The following TMEM232 variants were observed in gnomAD, a reference collection of about 807,000 sequenced individuals.
The protein encoded by TMEM232 is transmembrane protein 232.
TMEM232 carries 80 observed loss-of-function variants against 78.8 expected under a neutral mutation model. The ratio of observed to expected loss-of-function variants is 1.01; its 90% CI spans 0.85 to 1.22. TMEM232 has a LOEUF of 1.22. TMEM232 is among the 50% of genes most tolerant of loss of function. TMEM232 has a pLI of 0.00. For missense variants in TMEM232, 881 were observed against 742.2 expected, an observed-to-expected ratio of 1.19 and a Z score of -2.17; for synonymous variants, 297 against 254.3, an observed-to-expected ratio of 1.17 and a Z score of -1.60.
intron 4 of TMEM232, among the ~76,000 whole-genome samples, chr5:110,639,459 A>G (rs1165650237): frequency 6.6e-6 from 1 of 152,206 alleles, no homozygotes; most frequent in African/African-American, 2.4e-5. Context: ...GGGACAGCTA[A>G]GATAGCTGCC....
In TMEM232 at chr5:110,638,838, G is replaced by A. The variant is rs116495852; in HGVS notation, c.344-483C>T. Among the ~76,000 whole-genome samples, 1,509 of 152,222 alleles carry A rather than the reference G, an allele frequency of 9.9e-3. 23 individuals carry two copies. The highest frequency in any genetic ancestry group is 0.035 in the African/African-American group (1,445 of 41,532). ...AATAAATCACCAGGCCACACACATC[G>A]TGGTGGAGAAATAGGACAGAACCAG... On this transcript the variant is annotated intron_variant, in intron 4 of 13. Transcript: ENST00000455884.
At chr5:110,426,962 T>C (rs892019612) in intron 12 of TMEM232, among the ~76,000 whole-genome samples, 13 of 152,008 alleles carry the variant, frequency 8.6e-5, no homozygotes, top group African/African-American at 3.1e-4. Context: ...TTTTAAAAAA[T>C]GTAGGCAACA....
intron 12 of TMEM232, among the ~76,000 whole-genome samples, chr5:110,459,872 C>T (rs1387224326): frequency 6.6e-6 from 1 of 152,094 alleles, no homozygotes; most frequent in African/African-American, 2.4e-5. Context: ...TTCTTGCTGA[C>T]GTTACATAAC....
intron 12 of TMEM232, among the ~76,000 whole-genome samples, chr5:110,432,205 A>G (rs919171924): frequency 1.3e-5 from 2 of 151,652 alleles, no homozygotes; most frequent in Non-Finnish European, 3.0e-5. Context: ...AGTCAATAAG[A>G]AAGAAAAATT....
At chr5:110,694,275 G>A (rs1794496991) in intron 1 of TMEM232, among the ~76,000 whole-genome samples, 1 of 152,108 alleles carries the variant, frequency 6.6e-6, no homozygotes, top group South Asian at 2.1e-4. Flanking sequence ...GTCACCACCA[G>A]GCCTGCCCTA....
At chr5:110,674,345 G>T (rs1480593753) in intron 1 of TMEM232, among the ~76,000 whole-genome samples, 13 of 152,148 alleles carry the variant, frequency 8.5e-5, no homozygotes, top group Non-Finnish European at 2.9e-5. Context: ...ATAAAATTAT[G>T]AAGGTAAAAA....
At chr5:110,591,021 C>T (rs1326367448) in intron 10 of TMEM232, among the ~76,000 whole-genome samples, 1 of 152,112 alleles carries the variant, frequency 6.6e-6, no homozygotes, top group African/African-American at 2.4e-5. Context: ...GTGGGGATTA[C>T]AATCGGAGGA....
At chr5:110,388,280 C>T (rs1156501451) in intron 4 of TMEM232, among the ~76,000 whole-genome samples, 3 of 151,992 alleles carry the variant, frequency 2.0e-5, no homozygotes, top group Admixed American at 1.3e-4. Flanking sequence ...GGGCTTTCCA[C>T]TTGGCCAGCA....
chr5:110,737,022 T>C (rs1799248686), intron 1 of TMEM232, among the ~76,000 whole-genome samples: 2 of 151,440 alleles, frequency 1.3e-5, no homozygotes, highest in Non-Finnish European at 2.9e-5. Context: ...AAAAAAAAGC[T>C]TCCTTTATTG....
At chr5:110,490,975 A>G (rs951564577) in intron 12 of TMEM232, among the ~76,000 whole-genome samples, 4 of 152,136 alleles carry the variant, frequency 2.6e-5, no homozygotes, top group African/African-American at 9.6e-5. Context: ...AAAATAAATA[A>G]ATTTCACTTC....
At chr5:110,526,025 CAAAAAAAAAAAAA>C (rs758110596) in intron 12 of TMEM232, among the ~76,000 whole-genome samples, 1 of 47,808 alleles carries the variant, frequency 2.1e-5, no homozygotes, top group Non-Finnish European at 4.0e-5. Context: ...CACCATACAC[CAAAAAAAAAAAAA>C]AAAAAAAAAA....
intron 12 of TMEM232, among the ~76,000 whole-genome samples, chr5:110,497,700 C>G (rs781419842): frequency 4.6e-5 from 7 of 152,096 alleles, no homozygotes; most frequent in Admixed American, 3.3e-4. Flanking sequence ...ATACGTAGAA[C>G]TTTCTGATGT....
intron 1 of TMEM232, among the ~76,000 whole-genome samples, chr5:110,694,505 C>T (rs920345524): frequency 3.3e-5 from 5 of 152,094 alleles, no homozygotes; most frequent in Non-Finnish European, 7.3e-5. Context: ...AAGACACAGA[C>T]AGGCAAACTG....
intron 2 of TMEM232, among the ~76,000 whole-genome samples, chr5:110,651,982 T>C (rs535645565): frequency 9.2e-5 from 14 of 152,182 alleles, no homozygotes; most frequent in Non-Finnish European, 1.3e-4. Context: ...AACAAACATC[T>C]GGTGTTTGCT....
intron 11 of TMEM232, among the ~76,000 whole-genome samples, chr5:110,555,642 T>C (rs988674228): frequency 6.6e-6 from 1 of 152,222 alleles, no homozygotes; most frequent in East Asian, 1.9e-4. Flanking sequence ...AGTCTTTTTG[T>C]AGGTCTTTAA....
chr5:110,709,274 G>A (rs532707592), intron 1 of TMEM232, among the ~76,000 whole-genome samples: 10 of 152,188 alleles, frequency 6.6e-5, no homozygotes, highest in African/African-American at 2.4e-4. Context: ...AGATCTCAGC[G>A]AATGAATAGC....
In TMEM232 at chr5:110,428,645, C is replaced by CT. The variant is rs1275462209; in HGVS notation, c.1704-3730dup. Among the ~76,000 whole-genome samples the CT allele has an allele frequency of 6.3e-3, 912 of 144,000 alleles. 7 individuals are homozygous for CT. The highest frequency in any genetic ancestry group is 0.014 in the Middle Eastern group (4 of 282). The allele number at this position is 144,000 out of a possible 152,430, so 94.5% of individuals were successfully genotyped here. ...CCCCAGCACTTACATATCCTCCTGT[C>CT]TTTTTTTTTTTTTCCCCAGAAGAGT... On this transcript the variant is annotated intron_variant, in intron 12 of 13. Coordinates refer to ENST00000455884, the MANE Select transcript of TMEM232 (RefSeq NM_001039763.4).
At chr5:110,447,794 A>C (rs1053808848) in intron 12 of TMEM232, among the ~76,000 whole-genome samples, 1 of 152,126 alleles carries the variant, frequency 6.6e-6, no homozygotes, top group Non-Finnish European at 1.5e-5. Flanking sequence ...AGACAAACAG[A>C]AAACACATTA....
intron 3 of TMEM232, among the ~76,000 whole-genome samples, chr5:110,396,573 C>T (rs1439352988): frequency 6.6e-6 from 1 of 152,056 alleles, no homozygotes; most frequent in Non-Finnish European, 1.5e-5. Flanking sequence ...AGGCTTTCTC[C>T]CTCCTTTACC....
Sources: allele counts gnomAD v4.1 joint callset (sites outside exome capture counted in the v4.1 genomes callset), GRCh38; gene constraint gnomAD v4.1.1; transcripts MANE v1.5; gene names NCBI Gene and HGNC (gene_info 2026-07-23, HGNC 2026-07-21).